AGO1: variants seen among roughly 807,000 people sequenced by gnomAD.
AGO1 encodes the protein protein argonaute-1.
A neutral mutation model predicts 109.2 loss-of-function variants in AGO1; 11 were observed. That is an observed-to-expected ratio of 0.10 (90% confidence interval 0.06 to 0.17). The LOEUF (loss-of-function observed/expected upper bound fraction) is 0.17. AGO1 is among the 10% of genes least tolerant of loss of function. The pLI is 1.00. For missense variants in AGO1, 574 were observed against 1,140.3 expected (o/e 0.50, Z 7.15); for synonymous variants, 422 against 418.6 (o/e 1.01, Z -0.10).
intron 1 of AGO1, among the ~76,000 whole-genome samples, chr1:35,870,737 T>C (rs1227532510): frequency 6.6e-6 from 1 of 152,238 alleles, no homozygotes; most frequent in East Asian, 1.9e-4. Flanking sequence ...TACTTCATAA[T>C]CCATTCCCAT....
intron 2 of AGO1, among the ~76,000 whole-genome samples, chr1:35,891,603 C>T (rs1042786590): frequency 6.6e-6 from 1 of 151,262 alleles, no homozygotes; most frequent in Non-Finnish European, 1.5e-5. Context: ...CTCACTTTAT[C>T]GTCCAGGCTG....
Position 35,929,798 on chromosome 1 carries a change from T to G in AGO1, c.*10191T>G, listed in dbSNP as rs1646000122. 1 of 152,186 alleles carries G rather than the reference T, an allele frequency of 6.6e-6. No individual in the cohort carries two copies. The highest frequency in any genetic ancestry group is 1.5e-5 in the Non-Finnish European group (1 of 68,040). The allele number at this position is 152,186 out of a possible 1,614,324, so 9.4% of individuals were successfully genotyped here. A position where few individuals can be genotyped will look rare whatever the true frequency, so the allele number is the denominator to read the frequency against. ...AATGGTAAATAGTAAATACTTGTGT[T>G]ATTCACTAACATTTGGGGAGGATTT... On this transcript the variant is annotated 3_prime_UTR_variant, in exon 19 of 19. Coordinates refer to ENST00000373204, the MANE Select transcript of AGO1 (RefSeq NM_012199.5).
intron 11 of AGO1, among the ~76,000 whole-genome samples, chr1:35,903,531 C>T (rs752122189): frequency 1.3e-5 from 2 of 152,022 alleles, no homozygotes; most frequent in Admixed American, 6.6e-5. Flanking sequence ...TATGCCATGA[C>T]GAATTCAGCT....
In AGO1 at chr1:35,901,798, T is replaced by C; in HGVS notation, c.1141-150T>C. The C allele has an allele frequency of 7.6e-7, 1 of 1,310,336 alleles. No individual in the cohort carries two copies. The highest frequency in any genetic ancestry group is 1.1e-6 in the Non-Finnish European group (1 of 951,662). The allele number at this position is 1,310,336 out of a possible 1,614,324, so 81.2% of individuals were successfully genotyped here. ...TGTATTACTTTGCTGTGTTATTCCCTCACTTCCCTCATCTTCCACTTTCTC... is the reference window on the plus strand; with the variant it reads ...TGTATTACTTTGCTGTGTTATTCCCCCACTTCCCTCATCTTCCACTTTCTC... On this transcript the variant is annotated intron_variant, in intron 9 of 18. Coordinates refer to ENST00000373204, the MANE Select transcript of AGO1 (RefSeq NM_012199.5). The surrounding 1 kb of genome is among the most constrained non-coding windows in gnomAD (Gnocchi z 4.8).
At chr1:35,907,410 T>C (rs1382723628) in intron 12 of AGO1, among the ~76,000 whole-genome samples, 1 of 152,046 alleles carries the variant, frequency 6.6e-6, no homozygotes, top group Non-Finnish European at 1.5e-5. Flanking sequence ...TAGATTCCTG[T>C]CCTTAGGAGT....
chr1:35,894,083 G>C lies in AGO1; in HGVS notation c.696G>C (p.Met232Ile). Residue 232 changes from methionine to isoleucine, a missense_variant, in exon 6 of 19, where the codon ATG (methionine) becomes ATC (isoleucine). Transcript: ENST00000373204. ...FYKAQPVIEF[M>I]CEVLDIRNID... ...AGGCACAGCCAGTGATTGAGTTCAT[G>C]TGTGAGGTGCTGGACATCAGGAACA... is the stretch of plus-strand genomic sequence containing the variant. The C allele has an allele frequency of 1.3e-6, 2 of 1,582,726 alleles. No homozygotes were observed. The highest frequency in any genetic ancestry group is 1.7e-6 in the Non-Finnish European group (2 of 1,166,070).
rs1477240493 is a variant in AGO1 at position 35,924,567 on chromosome 1, C to T, written c.*4960C>T. On this transcript the variant is annotated 3_prime_UTR_variant, in exon 19 of 19. Transcript: ENST00000373204. ...GGGGGATATGATTAGCCAAATAGTCCCCTGGCATAGGAGGAAGATAATGAG... is the reference window on the plus strand; with the variant it reads ...GGGGGATATGATTAGCCAAATAGTCTCCTGGCATAGGAGGAAGATAATGAG... 6.6e-6 allele frequency: 1 copy of T among 151,984 alleles called. No individual in the cohort carries two copies. The highest frequency in any genetic ancestry group is 2.4e-5 in the African/African-American group (1 of 41,354). 9.4% of individuals were successfully genotyped at this position (151,984 alleles called of 1,614,324 possible).
intron 12 of AGO1, among the ~76,000 whole-genome samples, chr1:35,907,774 T>G (rs572578089): frequency 5.3e-5 from 8 of 152,194 alleles, no homozygotes; most frequent in South Asian, 4.1e-4. Context: ...CCCATCCTAA[T>G]GCACATTACC....
Position 35,919,026 on chromosome 1 carries a change from T to C in AGO1, c.2266-29T>C, listed in dbSNP as rs768201809. On this transcript the variant is annotated intron_variant, in intron 17 of 18. Coordinates refer to ENST00000373204, the MANE Select transcript of AGO1 (RefSeq NM_012199.5). This position sits in a 1 kb window ranked among gnomAD's most constrained non-coding sequence, Gnocchi z 6.6. ...TATCAGCCATCTTCTCTGCCCAGCC[T>C]GGGACCCCTCACCTTCCTATCTTCC... The C allele has an allele frequency of 4.4e-5, 70 of 1,608,362 alleles. No homozygotes were observed. In the Admixed American group the frequency reaches 1.2e-3, roughly 26 times the overall value.
At chr1:35,872,289 G>T (rs938067698) in intron 1 of AGO1, among the ~76,000 whole-genome samples, 1 of 149,104 alleles carries the variant, frequency 6.7e-6, no homozygotes, top group African/African-American at 2.5e-5. Context: ...AAGTTCCAGC[G>T]ATTCTCCTGC....
At position 35,894,412 on chromosome 1, in the gene AGO1, C is replaced by A. The variant is rs766581792; in HGVS notation, c.872+10C>A. On this transcript the variant is annotated intron_variant, in intron 7 of 18. Coordinates refer to ENST00000373204, the MANE Select transcript of AGO1 (RefSeq NM_012199.5). ...CTGCTAGCCATCAGACGTAAGTTGG[C>A]AGGGGTGCTGAGTCATACTTTGTTG... 1.9e-6 allele frequency: 3 copies of A among 1,613,590 alleles called. No individual in the cohort carries two copies. Among genetic ancestry groups the A allele is most frequent in the Non-Finnish European group, 1.7e-6 (2 of 1,179,676 alleles).
intron 12 of AGO1, among the ~76,000 whole-genome samples, chr1:35,911,686 C>G (rs1645635706): frequency 6.6e-6 from 1 of 152,198 alleles, no homozygotes; most frequent in African/African-American, 2.4e-5. Context: ...CAAATCTCTT[C>G]CATTGAAAGC....
In AGO1 at chr1:35,894,068, A is replaced by G. The variant is rs2296470; in HGVS notation, c.681A>G (p.Pro227=). ...VSATAFYKAQ[P]VIEFMCEVLD... ...CCACTGCCTTTTATAAGGCACAGCC[A>G]GTGATTGAGTTCATGTGTGAGGTGC... The change falls in exon 6 of 19, where the codon CCA becomes CCG. Residue 227 remains proline (P), a synonymous_variant. Transcript: ENST00000373204. The G allele has an allele frequency of 0.062, 98,077 of 1,571,186 alleles. 19,934 individuals are homozygous for G. In the East Asian group the frequency reaches 0.7, roughly 11 times the overall value.
intron 16 of AGO1, 151 bp from the exon 17 acceptor site, chr1:35,918,171 G>C (rs1204842642): frequency 5.7e-6 from 4 of 701,104 alleles, no homozygotes; most frequent in Admixed American, 2.2e-5. Context: ...TGTGACTTTA[G>C]AAGCATATTA....
At position 35,926,668 on chromosome 1, in the gene AGO1, T is replaced by C. The variant is rs565124454; in HGVS notation, c.*7061T>C. On this transcript the variant is annotated 3_prime_UTR_variant, in exon 19 of 19. Transcript: ENST00000373204. The stretch of plus-strand genomic sequence containing the variant: ...TTGCAGACATTTATTCCTCTGATGA[T>C]AGGCTGAGAAATGCCTAGGCCGGCT... The C allele has an allele frequency of 3.9e-5, 6 of 152,306 alleles. No homozygotes were observed. Among genetic ancestry groups the C allele is most frequent in the African/African-American group, 1.4e-4 (6 of 41,574 alleles). 9.4% of individuals were successfully genotyped at this position (152,306 alleles called of 1,614,324 possible). A position where few individuals can be genotyped will look rare whatever the true frequency, so the allele number is the denominator to read the frequency against.
At chr1:35,912,061 C>G (rs1002873854) in intron 12 of AGO1, among the ~76,000 whole-genome samples, 9 of 152,112 alleles carry the variant, frequency 5.9e-5, no homozygotes, top group African/African-American at 2.2e-4. Context: ...TTAGTGATCT[C>G]AAGATCATGC....
chr1:35,878,988 G>A (rs1306935653), upstream of AGO1, among the ~76,000 whole-genome samples: 3 of 151,600 alleles, frequency 2.0e-5, no homozygotes, highest in Admixed American at 6.6e-5. Context: ...GAAATTCTTT[G>A]TATAGAGAAG....
At position 35,883,268 on chromosome 1, in the gene AGO1, CGGAGGCTGCGG is replaced by C; in HGVS notation, c.-151_-141del. The C allele has an allele frequency of 7.3e-7, 1 of 1,373,000 alleles. No individual in the cohort carries two copies. The highest frequency in any genetic ancestry group is 9.4e-7 in the Non-Finnish European group (1 of 1,062,228). 85.1% of individuals were successfully genotyped at this position (1,373,000 alleles called of 1,614,324 possible). ...GCTGCAGGCTCCGCGGCGGCGGCAA[CGGAGGCTGCGG>C]GGGCGGCGGCGCGAGCGGCCGGGCT... is the stretch of plus-strand genomic sequence containing the variant. On this transcript the variant is annotated 5_prime_UTR_variant, in exon 1 of 19. Coordinates refer to ENST00000373204, the MANE Select transcript of AGO1 (RefSeq NM_012199.5). The surrounding 1 kb of genome is among the most constrained non-coding windows in gnomAD (Gnocchi z 5.4).
At chr1:35,872,149 AT>A (rs1383243276) in intron 1 of AGO1, among the ~76,000 whole-genome samples, 2 of 146,966 alleles carry the variant, frequency 1.4e-5, no homozygotes, top group Non-Finnish European at 3.0e-5. Flanking sequence ...ATTTGATTTT[AT>A]TTTTTGTGGG....
Sources: allele counts gnomAD v4.1 joint callset (sites outside exome capture counted in the v4.1 genomes callset), GRCh38; gene constraint gnomAD v4.1.1; non-coding constraint Gnocchi (gnomAD v3.1); transcripts MANE v1.5; gene names NCBI Gene and HGNC (gene_info 2026-07-23, HGNC 2026-07-21).